Variants in WIF1 observed in about 807,000 individuals in gnomAD.
The protein encoded by WIF1 is Wnt inhibitory factor 1.
In WIF1, 35 loss-of-function variants were observed where a neutral mutation model predicts 53.5. The observed-to-expected ratio is 0.65, with a 90% confidence interval of 0.50 to 0.87. The LOEUF (loss-of-function observed/expected upper bound fraction) is 0.87, where lower values mean the gene tolerates loss of function less well. WIF1 is among the 40% of genes least tolerant of loss of function. The pLI, the probability that WIF1 is intolerant of heterozygous loss-of-function variation, is 0.00. For synonymous variants in WIF1, 171 were observed against 170.4 expected (o/e 1.00, Z -0.03); for missense variants, 467 against 476.8 (o/e 0.98, Z 0.19).
At chr12:65,055,276 G>A in intron 8 of WIF1, 63 bp from the exon 9 acceptor site, 2 of 1,543,298 alleles carry the variant, frequency 1.3e-6, no homozygotes, top group Admixed American at 4.0e-5. Flanking sequence ...GAATTACATA[G>A]TTGCTTTCCT....
chr12:65,087,752 G>A (rs1362737030), intron 2 of WIF1, among the ~76,000 whole-genome samples: 1 of 151,962 alleles, frequency 6.6e-6, no homozygotes, highest in African/African-American at 2.4e-5. Context: ...AATTGCAATT[G>A]CATATTTCAG....
intron 2 of WIF1, among the ~76,000 whole-genome samples, chr12:65,096,971 T>C (rs1399487538): frequency 6.6e-6 from 1 of 150,432 alleles, no homozygotes; most frequent in East Asian, 1.9e-4. Flanking sequence ...ATGGCACATG[T>C]ATACCTGTGT....
intron 2 of WIF1, among the ~76,000 whole-genome samples, chr12:65,110,635 T>C (rs932759814): frequency 1.3e-5 from 2 of 151,800 alleles, no homozygotes; most frequent in African/African-American, 4.8e-5. Flanking sequence ...GTGCCTCCGT[T>C]GCCTTATCTG....
intron 4 of WIF1, 94 bp from the exon 5 acceptor site, chr12:65,067,884 C>A: frequency 9.7e-7 from 1 of 1,027,162 alleles, no homozygotes; most frequent in South Asian, 1.5e-5. Flanking sequence ...CATTTCTGTT[C>A]TAGCCCACCA....
chr12:65,097,940 G>A (rs1883229087), intron 2 of WIF1, among the ~76,000 whole-genome samples: 1 of 152,182 alleles, frequency 6.6e-6, no homozygotes, highest in African/African-American at 2.4e-5. Flanking sequence ...AATGGAAGAA[G>A]TGAGGAAGAG....
At chr12:65,090,616 T>A (rs1481868248) in intron 2 of WIF1, among the ~76,000 whole-genome samples, 3 of 152,076 alleles carry the variant, frequency 2.0e-5, no homozygotes, top group Admixed American at 6.6e-5. Context: ...ATCTGCTCAG[T>A]GAGCAGAGGT....
intron 7 of WIF1, among the ~76,000 whole-genome samples, chr12:65,056,504 G>T (rs958995262): frequency 6.2e-5 from 9 of 145,744 alleles, no homozygotes; most frequent in Non-Finnish European, 1.3e-4. Context: ...GGGATTACAA[G>T]TATGAGCCAC....
intron 7 of WIF1, among the ~76,000 whole-genome samples, chr12:65,056,426 T>C (rs930183986): frequency 2.9e-5 from 4 of 136,544 alleles, no homozygotes; most frequent in Non-Finnish European, 6.2e-5. Flanking sequence ...GGTTTCATTC[T>C]GTTGGCCAGG....
intron 9 of WIF1, 92 bp downstream of exon 9, chr12:65,055,026 C>T (rs578018000): frequency 1.5e-4 from 195 of 1,318,862 alleles, no homozygotes; most frequent in Middle Eastern, 9.3e-4. Flanking sequence ...GCCAAGAAAC[C>T]GAAGTGAAAA....
At chr12:65,056,259 T>A in intron 7 of WIF1, 133 bp from the exon 8 acceptor site, 1 of 707,244 alleles carries the variant, frequency 1.4e-6, no homozygotes, top group Non-Finnish European at 2.2e-6. Flanking sequence ...ATTTCAGATC[T>A]ACTCTGGCTT....
At position 65,099,513 on chromosome 12, in the gene WIF1, C is replaced by T. The variant is rs559618020; in HGVS notation, c.288+20904G>A. On this transcript the variant is annotated intron_variant, in intron 2 of 9. Coordinates refer to ENST00000286574, the MANE Select transcript of WIF1 (RefSeq NM_007191.5). Reference sequence around the variant, plus strand: ...GGCTCCCCTTCTCCCCAACCCGCCACCTTGAACTGTTGTATTCCATAGAGA... The same window carrying T: ...GGCTCCCCTTCTCCCCAACCCGCCATCTTGAACTGTTGTATTCCATAGAGA... Among the ~76,000 whole-genome samples, 7 of 152,274 alleles carry T rather than the reference C, an allele frequency of 4.6e-5. No individual in the cohort carries two copies. The East Asian group carries it at 1.2e-3, about 25-fold the overall frequency.
At chr12:65,076,215 T>A (rs1592392852) in intron 3 of WIF1, among the ~76,000 whole-genome samples, 1 of 152,034 alleles carries the variant, frequency 6.6e-6, no homozygotes, top group East Asian at 1.9e-4. Flanking sequence ...TTTTTTTAAT[T>A]TTTTGTAGAG....
At chr12:65,077,417 A>G (rs1166758125) in intron 3 of WIF1, among the ~76,000 whole-genome samples, 1 of 152,012 alleles carries the variant, frequency 6.6e-6, no homozygotes, top group Non-Finnish European at 1.5e-5. Flanking sequence ...ATTTTTGTGT[A>G]TCTCATTAAT....
chr12:65,070,112 C>T (rs535594435), intron 3 of WIF1, among the ~76,000 whole-genome samples: 1 of 152,128 alleles, frequency 6.6e-6, no homozygotes, highest in East Asian at 1.9e-4. Context: ...ACTGGACTGC[C>T]CTTTTCTGTA....
chr12:65,105,111 A>G (rs1460049813), intron 2 of WIF1, among the ~76,000 whole-genome samples: 2 of 152,104 alleles, frequency 1.3e-5, no homozygotes, highest in African/African-American at 4.8e-5. Flanking sequence ...TACTGATGTG[A>G]CCAGGAGAAT....
intron 3 of WIF1, among the ~76,000 whole-genome samples, chr12:65,074,044 T>C (rs1882821761): frequency 6.6e-6 from 1 of 152,168 alleles, no homozygotes; most frequent in African/African-American, 2.4e-5. Context: ...GTTTATTATT[T>C]ATAAAGAACG....
chr12:65,116,548 A>C (rs1047129416), intron 2 of WIF1, among the ~76,000 whole-genome samples: 11 of 152,048 alleles, frequency 7.2e-5, no homozygotes, highest in Non-Finnish European at 7.4e-5. Context: ...TTATTTCATT[A>C]CATATTACAA....
chr12:65,113,781 C>T (rs532685725), intron 2 of WIF1, among the ~76,000 whole-genome samples: 1 of 152,136 alleles, frequency 6.6e-6, no homozygotes, highest in Non-Finnish European at 1.5e-5. Context: ...ATAGCAGAAT[C>T]TAAACGTTAA....
chr12:65,087,325 T>C (rs967961073), intron 2 of WIF1, among the ~76,000 whole-genome samples: 4 of 152,202 alleles, frequency 2.6e-5, no homozygotes, highest in Non-Finnish European at 4.4e-5. Flanking sequence ...AAAGTGTACA[T>C]AAAAACTTGA....
Sources: gnomAD v4.1 joint callset for allele counts (sites outside exome capture counted in the v4.1 genomes callset) on GRCh38, gnomAD v4.1.1 for gene constraint, MANE v1.5 for transcripts, NCBI Gene and HGNC (gene_info 2026-07-23, HGNC 2026-07-21) for gene names.